Variants in SNRPA1 observed in about 807,000 individuals in gnomAD.
SNRPA1 encodes U2 small nuclear ribonucleoprotein A'.
A neutral mutation model predicts 32.3 loss-of-function variants in SNRPA1; 5 were observed. The ratio of observed to expected loss-of-function variants is 0.15; its 90% confidence interval spans 0.08 to 0.33. SNRPA1 has a LOEUF of 0.33. Ranked by LOEUF, SNRPA1 falls within the 10% of genes least tolerant of loss-of-function variation. The pLI is 1.00. For synonymous variants in SNRPA1, 111 were observed against 120.1 expected, an observed-to-expected ratio of 0.92 and a Z score of 0.50; for missense variants, 198 against 311.1, an observed-to-expected ratio of 0.64 and a Z score of 2.74.
chr15:101,283,393 T>TAA (rs879422585), intron 8 of SNRPA1, among the ~76,000 whole-genome samples: 67 of 137,792 alleles, frequency 4.9e-4, no homozygotes, highest in African/African-American at 1.7e-3. Flanking sequence ...CTGTCTCTAC[T>TAA]AAAAAAAAAA....
chr15:101,285,222 T>A, intron 7 of SNRPA1, 162 bp from the exon 8 acceptor site: 1 of 559,720 alleles, frequency 1.8e-6, no homozygotes, highest in Non-Finnish European at 3.2e-6. Context: ...CCCACAAAAA[T>A]AAAACTAGAA....
In SNRPA1 at chr15:101,295,089, G is replaced by A. The variant is rs2039573903; in HGVS notation, c.82+8C>T. On this transcript the variant is annotated splice_region_variant and intron_variant, in intron 1 of 8. Transcript: ENST00000254193. ...CTGGGGACTGGCCGCCCACGCCCCC[G>A]GACTCACCCCGGAGGTCCAGCTCCC... 9 of 1,506,194 alleles carry A rather than the reference G, an allele frequency of 6.0e-6. No individual in the cohort carries two copies. The highest frequency in any genetic ancestry group is 3.9e-4 in the Middle Eastern group (2 of 5,184). The allele number at this position is 1,506,194 out of a possible 1,614,324, so 93.3% of individuals were successfully genotyped here. A position where few individuals can be genotyped will look rare whatever the true frequency, so the allele number is the denominator to read the frequency against.
At chr15:101,295,045 T>C (rs917680651) in intron 1 of SNRPA1, 52 bp downstream of exon 1, 3 of 1,235,192 alleles carry the variant, frequency 2.4e-6, no homozygotes, top group African/African-American at 1.6e-5. Context: ...GCGCGGAAAA[T>C]AAGGCGGCTC....
intron 8 of SNRPA1, among the ~76,000 whole-genome samples, chr15:101,282,643 A>G (rs2039409229): frequency 6.6e-6 from 1 of 152,152 alleles, no homozygotes; most frequent in Non-Finnish European, 1.5e-5. Context: ...TTACCCGTAC[A>G]TGATTTCGTA....
intron 8 of SNRPA1, among the ~76,000 whole-genome samples, chr15:101,284,189 G>A (rs1455845676): frequency 6.6e-6 from 1 of 152,234 alleles, no homozygotes; most frequent in African/African-American, 2.4e-5. Flanking sequence ...GCCTTGTGCT[G>A]TGTTCAGTCT....
rs1226462085 is a variant in SNRPA1, at chr15:101,293,169, T to C, written c.86A>G (p.Tyr29Cys). The change falls in exon 2 of 9, where the codon TAT becomes TGT. Residue 29 changes from tyrosine (Y) to cysteine (C), a missense_variant. Transcript: ENST00000254193. ...TAGATTTTCAATGACGGGAATTTTA[T>C]ACCCTATAAAATGGAGGAAAAAAAC... Reference protein sequence around the residue: ...VRDRELDLRGYKIPVIENLGA... With the variant: ...VRDRELDLRGCKIPVIENLGA... 4.4e-6 allele frequency: 7 copies of C among 1,604,410 alleles called. No individual in the cohort carries two copies. Among genetic ancestry groups the C allele is most frequent in the Non-Finnish European group, 5.1e-6 (6 of 1,174,162 alleles).
At position 101,284,958 on chromosome 15, in the gene SNRPA1, T is replaced by C. The variant is rs1567124047; in HGVS notation, c.709+9A>G. 3 of 1,604,408 alleles carry C rather than the reference T, an allele frequency of 1.9e-6. No homozygotes were observed. Among genetic ancestry groups the C allele is most frequent in the Non-Finnish European group, 1.7e-6 (2 of 1,171,316 alleles). ...TAATTTGAACATACAAAGAACACCA[T>C]TTGTTCACCTGATCTGCGTTCTCTG... On this transcript the variant is annotated intron_variant, in intron 8 of 8. Transcript: ENST00000254193.
intron 8 of SNRPA1, among the ~76,000 whole-genome samples, chr15:101,283,567 A>G (rs2039420709): frequency 6.6e-6 from 1 of 152,030 alleles, no homozygotes; most frequent in African/African-American, 2.4e-5. Flanking sequence ...CTCCGTCTCA[A>G]AACAACAACA....
rs573023881 is a variant in SNRPA1 at position 101,288,086 on chromosome 15, C to T, written c.310-384G>A. ...TGGTGTAAGTGGGCTTTCCTGCTAG[C>T]GCCAGCTTCAGCGTCTAAGAACAAC... On this transcript the variant is annotated intron_variant, in intron 3 of 8. Coordinates refer to ENST00000254193, the MANE Select transcript of SNRPA1 (RefSeq NM_003090.4). 12 of 211,898 alleles carry T rather than the reference C, an allele frequency of 5.7e-5. No individual in the cohort carries two copies. In the South Asian group the frequency reaches 6.0e-4, roughly 11 times the overall value. The allele number at this position is 211,898 out of a possible 1,614,324, so 13.1% of individuals were successfully genotyped here. A position where few individuals can be genotyped will look rare whatever the true frequency, so the allele number is the denominator to read the frequency against.
intron 6 of SNRPA1, 188 bp from the exon 7 acceptor site, chr15:101,285,989 A>G (rs951170104): frequency 1.6e-6 from 1 of 630,272 alleles, no homozygotes; most frequent in African/African-American, 1.8e-5. Flanking sequence ...TAGGATGTAC[A>G]TGGTATCACA....
At chr15:101,293,194 C>T in intron 1 of SNRPA1, 22 bp from the exon 2 acceptor site, 1 of 1,559,044 alleles carries the variant, frequency 6.4e-7, no homozygotes, top group Non-Finnish European at 8.8e-7. Context: ...AGGAAAAAAA[C>T]ACAAGAGGTA....
At chr15:101,291,507 T>TGA (rs2039525679) in intron 3 of SNRPA1, among the ~76,000 whole-genome samples, 4 of 140,386 alleles carry the variant, frequency 2.8e-5, no homozygotes, top group Non-Finnish European at 6.1e-5. Flanking sequence ...AAAAAATTAC[T>TGA]GAGATAGTTT....
chr15:101,285,071 G>C lies in SNRPA1; in HGVS notation c.616-11C>G, dbSNP rs1567124120. On this transcript the variant is annotated splice_polypyrimidine_tract_variant and intron_variant, in intron 7 of 8. Coordinates refer to ENST00000254193, the MANE Select transcript of SNRPA1 (RefSeq NM_003090.4). ...ATTTGCTATGGCATTCTGGAGGACA[G>C]AGGGCAATGGAGATGGATGATTAAC... 1 of 1,594,712 alleles carries C rather than the reference G, an allele frequency of 6.3e-7. No individual in the cohort carries two copies. Among genetic ancestry groups the C allele is most frequent in the Non-Finnish European group, 8.6e-7 (1 of 1,162,578 alleles).
chr15:101,293,228 C>A, intron 1 of SNRPA1, 56 bp from the exon 2 acceptor site: 1 of 1,242,528 alleles, frequency 8.0e-7, no homozygotes, highest in Non-Finnish European at 1.1e-6. Flanking sequence ...ACAGTTGCCC[C>A]TTAAAGCATT....
chr15:101,294,837 C>G, intron 1 of SNRPA1: 2 of 395,970 alleles, frequency 5.1e-6, no homozygotes, highest in Non-Finnish European at 4.5e-6. Flanking sequence ...CAGGGCCCCA[C>G]GAGGACGCAC....
chr15:101,293,533 T>C (rs535922319), intron 1 of SNRPA1: 244 of 158,114 alleles, frequency 1.5e-3, no homozygotes, highest in South Asian at 3.9e-3. Flanking sequence ...AGTTTACACT[T>C]GGAGCTGCTT....
In SNRPA1 at chr15:101,285,044, G is replaced by A. The variant is rs1231250957; in HGVS notation, c.632C>T (p.Ala211Val). 1 of 1,613,632 alleles carries A rather than the reference G, an allele frequency of 6.2e-7. No individual in the cohort carries two copies. The highest frequency in any genetic ancestry group is 1.7e-5 in the Admixed American group (1 of 59,996). The change falls in exon 8 of 9, where the codon GCT (alanine) becomes GTT (valine). Residue 211 changes from alanine (A) to valine (V), a missense_variant. Ala to Val is a moderately conservative substitution (Grantham distance 64). Around this residue, in one of 3 missense-constraint regions of SNRPA1, gnomAD observed 77 missense variants for 120.1 expected, o/e 0.64. Coordinates refer to ENST00000254193, the MANE Select transcript of SNRPA1 (RefSeq NM_003090.4). ...VEAIKNAIAN[A>V]STLAEVERLK... is the part of the protein sequence containing the mutation. ...CCTCTCCACTTCAGCCAGAGTTGAA[G>A]CATTTGCTATGGCATTCTGGAGGAC...
intron 4 of SNRPA1, 148 bp downstream of exon 4, chr15:101,287,508 A>G (rs534724566): frequency 5.1e-5 from 33 of 649,320 alleles, no homozygotes; most frequent in African/African-American, 4.4e-4. Flanking sequence ...TACAGAGGAC[A>G]TGAACTCATC....
intron 3 of SNRPA1, among the ~76,000 whole-genome samples, chr15:101,291,387 G>C (rs2039524307): frequency 6.6e-6 from 1 of 152,124 alleles, no homozygotes; most frequent in South Asian, 2.1e-4. Context: ...ATGCATATCA[G>C]ATATGTAATC....
Sources: allele counts gnomAD v4.1 joint callset (sites outside exome capture counted in the v4.1 genomes callset), GRCh38; gene constraint gnomAD v4.1.1; regional missense constraint gnomAD v4.1.1; transcripts MANE v1.5; gene names NCBI Gene and HGNC (gene_info 2026-07-23, HGNC 2026-07-21).